Variants in DLGAP1 observed in about 807,000 individuals in gnomAD.
The protein encoded by DLGAP1 is DLG associated protein 1.
In DLGAP1, 11 loss-of-function variants were observed where a neutral mutation model predicts 90.8. The observed-to-expected ratio is 0.12, with a 90% CI of 0.08 to 0.20. The LOEUF is 0.20. Ranked by LOEUF, DLGAP1 falls within the 10% of genes least tolerant of loss-of-function variation. The pLI, the probability that DLGAP1 is intolerant of heterozygous loss-of-function variation, is 1.00. For synonymous variants in DLGAP1, 558 were observed against 540.7 expected, an observed-to-expected ratio of 1.03 and a Z score of -0.44; for missense variants, 1,050 against 1,333.8, an observed-to-expected ratio of 0.79 and a Z score of 3.31.
At chr18:4,089,352 A>G (rs1002467289) in intron 2 of DLGAP1, among the ~76,000 whole-genome samples, 9 of 152,222 alleles carry the variant, frequency 5.9e-5, no homozygotes, top group Admixed American at 5.2e-4. Context: ...AGGAAGAATA[A>G]ATATTGTGAA....
At chr18:4,396,078 T>C (rs1461292073) in intron 1 of DLGAP1, among the ~76,000 whole-genome samples, 1 of 152,180 alleles carries the variant, frequency 6.6e-6, no homozygotes, top group Non-Finnish European at 1.5e-5. Flanking sequence ...GCTAGAGTAA[T>C]TGGCTGCAGA....
At chr18:3,673,261 C>T (rs978913185) in intron 7 of DLGAP1, among the ~76,000 whole-genome samples, 1 of 152,156 alleles carries the variant, frequency 6.6e-6, no homozygotes, top group Non-Finnish European at 1.5e-5. Context: ...GGTCCTCCTG[C>T]GGCACAAACC....
chr18:3,978,806 C>T (rs748684161), intron 3 of DLGAP1, among the ~76,000 whole-genome samples: 1 of 152,192 alleles, frequency 6.6e-6, no homozygotes, highest in African/African-American at 2.4e-5. Context: ...CACTTAACTT[C>T]TTCCACTTGG....
chr18:4,144,120 G>T (rs936019108), intron 2 of DLGAP1, among the ~76,000 whole-genome samples: 4 of 152,150 alleles, frequency 2.6e-5, no homozygotes, highest in African/African-American at 9.7e-5. Flanking sequence ...GCTGGTGTCC[G>T]ACTAGATCGT....
At chr18:4,333,768 CA>C (rs1440316952) in intron 1 of DLGAP1, among the ~76,000 whole-genome samples, 2 of 151,046 alleles carry the variant, frequency 1.3e-5, no homozygotes, top group Non-Finnish European at 2.9e-5. Context: ...TACAGGCGCC[CA>C]CCACCACGCC....
intron 3 of DLGAP1, among the ~76,000 whole-genome samples, chr18:3,936,834 G>A (rs1446388102): frequency 6.6e-6 from 1 of 152,190 alleles, no homozygotes; most frequent in Non-Finnish European, 1.5e-5. Flanking sequence ...CAAAGAAGCA[G>A]GAATGATGAA....
At chr18:4,394,158 T>G (rs1377241359) in intron 1 of DLGAP1, among the ~76,000 whole-genome samples, 2 of 149,972 alleles carry the variant, frequency 1.3e-5, no homozygotes, top group East Asian at 3.8e-4. Context: ...TTTCTGCATA[T>G]GTGAAGACAA....
At chr18:3,733,567 T>C (rs1341501945) in intron 6 of DLGAP1, among the ~76,000 whole-genome samples, 1 of 152,198 alleles carries the variant, frequency 6.6e-6, no homozygotes, top group Non-Finnish European at 1.5e-5. Flanking sequence ...GTTTACAAAA[T>C]GCCCATTTTT....
intron 10 of DLGAP1, among the ~76,000 whole-genome samples, chr18:3,519,392 G>A (rs544643019): frequency 5.8e-4 from 89 of 152,214 alleles, no homozygotes; most frequent in African/African-American, 2.1e-3. Context: ...ACTGCTGCCC[G>A]TTAGTCCTTT....
intron 3 of DLGAP1, among the ~76,000 whole-genome samples, chr18:3,916,790 G>A (rs779025599): frequency 6.6e-6 from 1 of 152,212 alleles, no homozygotes; most frequent in African/African-American, 2.4e-5. Flanking sequence ...TGAGCTGATC[G>A]TTGTAGCAGG....
At chr18:4,203,583 T>C (rs1261462700) in intron 1 of DLGAP1, among the ~76,000 whole-genome samples, 2 of 152,174 alleles carry the variant, frequency 1.3e-5, no homozygotes, top group Non-Finnish European at 2.9e-5. Flanking sequence ...TTTAAGCTTT[T>C]AGATCTCATA....
intron 2 of DLGAP1, among the ~76,000 whole-genome samples, chr18:4,044,623 C>T (rs2075021786): frequency 6.6e-6 from 1 of 151,948 alleles, no homozygotes; most frequent in Non-Finnish European, 1.5e-5. Context: ...CGCCTGTAAT[C>T]CCAGCTACTC....
Position 4,005,204 on chromosome 18 carries a change from G to T in DLGAP1, c.-158-3C>A, listed in dbSNP as rs906912450. The T allele has an allele frequency of 3.9e-5, 6 of 152,124 alleles. No individual in the cohort carries two copies. The highest frequency in any genetic ancestry group is 2.0e-4 in the Admixed American group (3 of 15,270). 9.4% of individuals were successfully genotyped at this position (152,124 alleles called of 1,614,324 possible). On this transcript the variant is annotated splice_polypyrimidine_tract_variant and splice_region_variant and intron_variant, in intron 2 of 12. Transcript: ENST00000315677. ...GTGGATCCCAGAAGAGATTTAGCCT[G>T]TTGGGAGCATAATGCATGTTTTAGT...
chr18:4,239,425 T>C (rs1396938520), intron 1 of DLGAP1, among the ~76,000 whole-genome samples: 3 of 152,218 alleles, frequency 2.0e-5, no homozygotes, highest in Non-Finnish European at 1.5e-5. Flanking sequence ...CATTAAAGTA[T>C]TGAATAAGCA....
At chr18:4,288,573 G>A (rs553240048) in intron 1 of DLGAP1, among the ~76,000 whole-genome samples, 1 of 152,226 alleles carries the variant, frequency 6.6e-6, no homozygotes, top group South Asian at 2.1e-4. Context: ...TCTAGGCCCT[G>A]AGGATTTGCT....
chr18:3,741,261 T>TCACCAC (rs201995089), intron 6 of DLGAP1, among the ~76,000 whole-genome samples: 2 of 37,920 alleles, frequency 5.3e-5, no homozygotes, highest in African/African-American at 1.2e-4. Flanking sequence ...ACCACCACAA[T>TCACCAC]CACCACCACC....
intron 2 of DLGAP1, among the ~76,000 whole-genome samples, chr18:4,007,517 G>A (rs562692030): frequency 3.9e-5 from 6 of 152,006 alleles, no homozygotes; most frequent in Admixed American, 3.9e-4. Context: ...TTAGCCGGGC[G>A]TGGTGGCTGG....
intron 5 of DLGAP1, among the ~76,000 whole-genome samples, chr18:3,766,181 C>T (rs1244023796): frequency 6.6e-6 from 1 of 152,020 alleles, no homozygotes; most frequent in African/African-American, 2.4e-5. Context: ...ATAGGAGTTG[C>T]TCTACTAGTA....
Position 4,398,923 on chromosome 18 carries a change from C to T in DLGAP1, c.-267+56083G>A, listed in dbSNP as rs370480949. Among the ~76,000 whole-genome samples the T allele has an allele frequency of 2.2e-3, 334 of 152,284 alleles. 1 individual carries two copies. The highest frequency in any genetic ancestry group is 7.3e-3 in the African/African-American group (303 of 41,564). On this transcript the variant is annotated intron_variant, in intron 1 of 12. Coordinates refer to ENST00000315677, the MANE Select transcript of DLGAP1 (RefSeq NM_004746.4). ...CTCGGCTAACTGCAACCTCCGCCTC[C>T]GGGGTCCAAGCAATTCCCCTGCCTC...
Sources: allele counts gnomAD v4.1 joint callset (sites outside exome capture counted in the v4.1 genomes callset), GRCh38; gene constraint gnomAD v4.1.1; transcripts MANE v1.5; gene names NCBI Gene and HGNC (gene_info 2026-07-23, HGNC 2026-07-21).